The following SHISA9 variants were observed in gnomAD, a reference collection of about 807,000 sequenced individuals.
The protein encoded by SHISA9 is shisa family member 9.
SHISA9 carries 13 observed loss-of-function variants against 38.0 expected under a neutral mutation model. The ratio of observed to expected loss-of-function variants is 0.34; its 90% CI spans 0.22 to 0.54. The LOEUF is 0.54. SHISA9 is among the 20% of genes least tolerant of loss of function. The pLI is 0.91. For missense variants in SHISA9, 538 were observed against 575.8 expected (o/e 0.93, Z 0.67); for synonymous variants, 275 against 242.0 (o/e 1.14, Z -1.27).
intron 2 of SHISA9, among the ~76,000 whole-genome samples, chr16:13,037,058 TC>T (rs2073076572): frequency 7.4e-6 from 1 of 135,904 alleles, no homozygotes; most frequent in Non-Finnish European, 1.5e-5. Flanking sequence ...CAGGGAATGA[TC>T]ACACACACAC....
the SHISA9 span, among the ~76,000 whole-genome samples, chr16:13,249,790 C>A: frequency 2.0e-5 from 3 of 152,098 alleles, no homozygotes; most frequent in African/African-American, 7.2e-5. Context: ...AGCTAGAGTG[C>A]AGTGGCATGT....
the SHISA9 span, among the ~76,000 whole-genome samples, chr16:13,461,623 ATTT>A: frequency 1.9e-5 from 2 of 106,866 alleles, no homozygotes; most frequent in Admixed American, 2.3e-4. Flanking sequence ...TTTTTTTTTA[ATTT>A]TTTTTTTTTT....
the SHISA9 span, among the ~76,000 whole-genome samples, chr16:13,414,634 TCTTCTTTCTTTC>T: frequency 7.9e-6 from 1 of 126,160 alleles, no homozygotes; most frequent in Admixed American, 9.7e-5. Context: ...TTTCTTTCTT[TCTTCTTTCTTTC>T]TTTCTTTTTT....
chr16:13,210,402 A>G (rs2051107097), intron 3 of SHISA9, among the ~76,000 whole-genome samples: 2 of 152,184 alleles, frequency 1.3e-5, no homozygotes, highest in African/African-American at 4.8e-5. Context: ...AGCATCATTG[A>G]TAAAATGCTG....
chr16:13,468,562 C>G, the SHISA9 span, among the ~76,000 whole-genome samples: 2,767 of 152,220 alleles, frequency 0.018, 84 homozygotes, highest in African/African-American at 0.063. Flanking sequence ...CTTTTATTGG[C>G]TTTTACCATT....
the SHISA9 span, among the ~76,000 whole-genome samples, chr16:13,251,391 G>A: frequency 5.2e-4 from 79 of 152,268 alleles, no homozygotes; most frequent in African/African-American, 1.8e-3. Flanking sequence ...TTAGCACCTG[G>A]CCTAGGTGTG....
At chr16:13,344,373 A>G in the SHISA9 span, among the ~76,000 whole-genome samples, 2 of 152,142 alleles carry the variant, frequency 1.3e-5, no homozygotes, top group Non-Finnish European at 2.9e-5. Context: ...AAATTACTAC[A>G]TACCAGGAAT....
rs958852477 is a variant in SHISA9 at position 12,909,420 on chromosome 16, A to G, written c.563+6793A>G. ...TCTATTCAAGTGTTTAAAAGTCAAC[A>G]CATAGATTGGACATTGGGATACCTG... is the stretch of plus-strand genomic sequence containing the variant. On this transcript the variant is annotated intron_variant, in intron 1 of 4. Coordinates refer to ENST00000558583, the MANE Select transcript of SHISA9 (RefSeq NM_001145204.3). 10 of 985,324 alleles carry G rather than the reference A, an allele frequency of 1.0e-5. No homozygotes were observed. In the African/African-American group the frequency reaches 1.6e-4, roughly 15 times the overall value. The allele number at this position is 985,324 out of a possible 1,614,324, so 61.0% of individuals were successfully genotyped here.
chr16:13,015,494 A>C (rs994929704), intron 2 of SHISA9, among the ~76,000 whole-genome samples: 3 of 152,250 alleles, frequency 2.0e-5, no homozygotes, highest in African/African-American at 7.2e-5. Flanking sequence ...CTCCAAAGCC[A>C]GTATTCTTTA....
At chr16:13,380,349 A>G in the SHISA9 span, among the ~76,000 whole-genome samples, 1 of 152,146 alleles carries the variant, frequency 6.6e-6, no homozygotes, top group Admixed American at 6.5e-5. Flanking sequence ...AGAAGGGGGG[A>G]AAGAGAAAAT....
chr16:13,383,978 G>A, the SHISA9 span, among the ~76,000 whole-genome samples: 1 of 152,108 alleles, frequency 6.6e-6, no homozygotes, highest in Non-Finnish European at 1.5e-5. Flanking sequence ...TACTTTAAAT[G>A]TAATATTTTG....
At chr16:13,503,740 G>T in the SHISA9 span, among the ~76,000 whole-genome samples, 7 of 151,880 alleles carry the variant, frequency 4.6e-5, no homozygotes, top group African/African-American at 7.3e-5. Flanking sequence ...CATCCTAAAT[G>T]AAATGGAAAG....
chr16:13,192,023 C>A (rs1169177602), intron 2 of SHISA9, among the ~76,000 whole-genome samples: 1 of 152,156 alleles, frequency 6.6e-6, no homozygotes, highest in Non-Finnish European at 1.5e-5. Context: ...TATATACACA[C>A]TATGGAATTC....
the SHISA9 span, among the ~76,000 whole-genome samples, chr16:13,260,085 C>T: frequency 3.1e-4 from 38 of 120,782 alleles, no homozygotes; most frequent in Non-Finnish European, 1.3e-4. Context: ...GGCGTGATCT[C>T]GGCTCACTGC....
intron 2 of SHISA9, among the ~76,000 whole-genome samples, chr16:13,182,415 G>C (rs1236593997): frequency 6.6e-6 from 1 of 152,104 alleles, no homozygotes; most frequent in Non-Finnish European, 1.5e-5. Flanking sequence ...CATATCACTT[G>C]CCCCTTTTTA....
At chr16:13,337,794 T>C in the SHISA9 span, among the ~76,000 whole-genome samples, 1 of 151,996 alleles carries the variant, frequency 6.6e-6, no homozygotes, top group Admixed American at 6.6e-5. Context: ...GTGAGTGAGT[T>C]CTCATGAGAT....
the SHISA9 span, among the ~76,000 whole-genome samples, chr16:13,421,866 G>C: frequency 1.3e-5 from 2 of 152,164 alleles, no homozygotes; most frequent in African/African-American, 4.8e-5. Context: ...TGGGGTAAAT[G>C]CTTCCAGCCA....
At chr16:12,926,885 G>C (rs1286319021) in intron 2 of SHISA9, among the ~76,000 whole-genome samples, 2 of 152,132 alleles carry the variant, frequency 1.3e-5, no homozygotes, top group Non-Finnish European at 2.9e-5. Flanking sequence ...TTTCTTGCAG[G>C]TCTGATTAAT....
intron 2 of SHISA9, among the ~76,000 whole-genome samples, chr16:12,949,762 G>T (rs542155645): frequency 6.6e-6 from 1 of 151,986 alleles, no homozygotes; most frequent in African/African-American, 2.4e-5. Flanking sequence ...GTACATATTT[G>T]TGGGGTACTT....
Sources: gnomAD v4.1 joint callset for allele counts (sites outside exome capture counted in the v4.1 genomes callset) on GRCh38, gnomAD v4.1.1 for gene constraint, MANE v1.5 for transcripts, NCBI Gene and HGNC (gene_info 2026-07-23, HGNC 2026-07-21) for gene names.